The following UPRT variants were observed in gnomAD, a reference collection of about 807,000 sequenced individuals.
UPRT encodes uracil phosphoribosyltransferase homolog, also known as RP11-311P8.3.
A neutral mutation model predicts 22.6 loss-of-function variants in UPRT; 5 were observed. The ratio of observed to expected loss-of-function variants is 0.22; its 90% CI spans 0.12 to 0.47. The LOEUF (loss-of-function observed/expected upper bound fraction) is 0.47, where lower values mean the gene tolerates loss of function less well. Ranked by LOEUF, UPRT falls within the 20% of genes least tolerant of loss-of-function variation. The pLI is 0.99. For synonymous variants in UPRT, 77 were observed against 87.7 expected, an observed-to-expected ratio of 0.88 and a Z score of 0.68; for missense variants, 181 against 239.9, an observed-to-expected ratio of 0.75 and a Z score of 1.62.
intron 4 of UPRT, among the ~76,000 whole-genome samples, chrX:75,209,404 G>C (rs767264000): frequency 1.8e-5 from 2 of 110,670 alleles, no homozygotes; most frequent in South Asian, 3.9e-4. Flanking sequence ...ACAGAGTTTC[G>C]CTCTTGTCGC....
intron 4 of UPRT, among the ~76,000 whole-genome samples, chrX:75,220,731 C>A (rs189151529): frequency 1.9e-4 from 21 of 111,561 alleles, no homozygotes; most frequent in Admixed American, 7.6e-4. Context: ...TCAACCCCTG[C>A]TTTTTAACTT....
At chrX:75,270,551 G>A (rs749407941), upstream of UPRT, among the ~76,000 whole-genome samples, 1 of 111,842 alleles carries the variant, frequency 8.9e-6, no homozygotes, top group Non-Finnish European at 1.9e-5. Flanking sequence ...GTGGCACATA[G>A]ATACCATGGA....
chrX:75,218,551 G>A (rs1412238621), intron 4 of UPRT, among the ~76,000 whole-genome samples: 4 of 96,663 alleles, frequency 4.1e-5, no homozygotes, highest in African/African-American at 1.6e-4. Context: ...TATACCCAAA[G>A]GACTATAAAT....
intron 4 of UPRT, among the ~76,000 whole-genome samples, chrX:75,216,601 G>C (rs1407706184): frequency 2.7e-5 from 3 of 112,056 alleles, no homozygotes; most frequent in African/African-American, 9.7e-5. Flanking sequence ...AATGAAAGCT[G>C]TGCCCTGGAA....
chrX:75,195,492 C>G (rs1337099172), intron 4 of UPRT, among the ~76,000 whole-genome samples: 2 of 111,991 alleles, frequency 1.8e-5, no homozygotes, highest in Non-Finnish European at 3.8e-5. Context: ...CATAGATGCT[C>G]TCTCACCAAA....
chrX:75,265,734 C>T (rs1465136491), intron 4 of UPRT, among the ~76,000 whole-genome samples: 1 of 111,429 alleles, frequency 9.0e-6, no homozygotes, highest in Non-Finnish European at 1.9e-5. Context: ...GAGCTGTGTT[C>T]CTTTGGAGGA....
chrX:75,292,268 T>C (rs930390852), intron 1 of UPRT, among the ~76,000 whole-genome samples: 12 of 111,822 alleles, frequency 1.1e-4, no homozygotes, highest in African/African-American at 3.9e-4. Flanking sequence ...TTGTATAGTC[T>C]TATTTGAAAA....
chrX:75,261,067 T>G (rs928659956), intron 4 of UPRT, among the ~76,000 whole-genome samples: 2 of 111,461 alleles, frequency 1.8e-5, no homozygotes, highest in Non-Finnish European at 3.8e-5. Context: ...AGAACAAAGA[T>G]ACAACATACC....
chrX:75,244,630 T>C (rs755059944), intron 4 of UPRT, among the ~76,000 whole-genome samples: 37 of 111,165 alleles, frequency 3.3e-4, no homozygotes, highest in Non-Finnish European at 5.7e-4. Flanking sequence ...ACACCTATAA[T>C]CATCTGATTT....
intron 4 of UPRT, among the ~76,000 whole-genome samples, chrX:75,247,134 A>G (rs1297314998): frequency 9.0e-6 from 1 of 111,250 alleles, no homozygotes; most frequent in Non-Finnish European, 1.9e-5. Context: ...AAGAAAAAAA[A>G]CAGAGCTCCC....
intron 4 of UPRT, among the ~76,000 whole-genome samples, chrX:75,259,502 G>T (rs1251623125): frequency 9.3e-6 from 1 of 107,569 alleles, no homozygotes; most frequent in Non-Finnish European, 1.9e-5. Context: ...GCAGAAGAAA[G>T]GATATCAGAG....
rs751532124 is a variant in UPRT, at chrX:75,297,564, G to T, written c.562+11G>T. 1 of 1,208,506 alleles carries T rather than the reference G, an allele frequency of 8.3e-7. No homozygotes were observed. Among genetic ancestry groups the T allele is most frequent in the Admixed American group, 2.2e-5 (1 of 45,772 alleles). On this transcript the variant is annotated intron_variant, in intron 4 of 6. Transcript: ENST00000373383. The stretch of plus-strand genomic sequence containing the variant: ...GCATAATGAGAAGCGGTAGGTTCAC[G>T]TGTGTGTGATTTTTGTCTCTTTGTA...
At chrX:75,161,899 G>A (rs1011316131) in intron 2 of UPRT, among the ~76,000 whole-genome samples, 1 of 111,006 alleles carries the variant, frequency 9.0e-6, no homozygotes. Context: ...AATATTGTGG[G>A]CAATCCTATG....
At chrX:75,166,646 T>A (rs1392403051) in intron 3 of UPRT, among the ~76,000 whole-genome samples, 1 of 111,683 alleles carries the variant, frequency 9.0e-6, no homozygotes, top group Non-Finnish European at 1.9e-5. Context: ...AATGAACAAT[T>A]CTATGAATTC....
intron 4 of UPRT, among the ~76,000 whole-genome samples, chrX:75,209,773 C>T (rs2082375666): frequency 8.9e-6 from 1 of 112,474 alleles, no homozygotes; most frequent in African/African-American, 3.2e-5. Flanking sequence ...TAAAAACAGG[C>T]TTCTGGCAGT....
chrX:75,248,212 G>C (rs2082514053), intron 4 of UPRT, among the ~76,000 whole-genome samples: 1 of 112,106 alleles, frequency 8.9e-6, no homozygotes, highest in Non-Finnish European at 1.9e-5. Flanking sequence ...AAGCTGAACA[G>C]AGAATGACTT....
At chrX:75,263,997 G>C (rs1160730503) in intron 4 of UPRT, among the ~76,000 whole-genome samples, 3 of 110,974 alleles carry the variant, frequency 2.7e-5, no homozygotes, top group African/African-American at 9.8e-5. Flanking sequence ...TTCAGGAGCA[G>C]GTTGTTCAGT....
intron 4 of UPRT, among the ~76,000 whole-genome samples, chrX:75,228,074 T>A (rs1173319461): frequency 9.0e-6 from 1 of 111,367 alleles, no homozygotes; most frequent in Non-Finnish European, 1.9e-5. Context: ...GTGCAGGAAG[T>A]TTATTGGGGA....
chrX:75,237,241 A>G (rs1259953912), intron 4 of UPRT, among the ~76,000 whole-genome samples: 1 of 112,069 alleles, frequency 8.9e-6, no homozygotes, highest in African/African-American at 3.2e-5. Context: ...AATCAAAACC[A>G]CAATGAGATA....
Sources: gnomAD v4.1 joint callset for allele counts (sites outside exome capture counted in the v4.1 genomes callset) on GRCh38, gnomAD v4.1.1 for gene constraint, MANE v1.5 for transcripts, NCBI Gene and HGNC (gene_info 2026-07-23, HGNC 2026-07-21) for gene names.